The following PDSS2 variants were observed in gnomAD, a reference collection of about 807,000 sequenced individuals.
PDSS2 encodes the protein all trans-polyprenyl-diphosphate synthase PDSS2.
PDSS2 carries 31 observed loss-of-function variants against 44.5 expected under a neutral mutation model. The observed-to-expected ratio is 0.70, with a 90% CI of 0.52 to 0.94. The LOEUF is 0.94. Ranked by LOEUF, PDSS2 falls within the 40% of genes least tolerant of loss-of-function variation. The pLI is 0.00. For missense variants in PDSS2, 452 were observed against 482.2 expected (o/e 0.94, Z 0.59); for synonymous variants, 157 against 180.3 (o/e 0.87, Z 1.03).
chr6:107,214,610 C>T lies in PDSS2; in HGVS notation c.703-2328G>A, dbSNP rs74330197. Among the ~76,000 whole-genome samples the T allele has an allele frequency of 6.2e-3, 944 of 152,272 alleles. 12 individuals are homozygous for T. The highest frequency in any genetic ancestry group is 0.022 in the African/African-American group (903 of 41,548). Reference sequence around the variant, plus strand: ...GGATTAATTAACTCAATACACTTTTCTTCCTGCTCCTGATCCTATAATCCT... The same window carrying T: ...GGATTAATTAACTCAATACACTTTTTTTCCTGCTCCTGATCCTATAATCCT... On this transcript the variant is annotated intron_variant, in intron 4 of 7. Coordinates refer to ENST00000369037, the MANE Select transcript of PDSS2 (RefSeq NM_020381.4).
intron 2 of PDSS2, among the ~76,000 whole-genome samples, chr6:107,284,726 C>G (rs1044370343): frequency 1.3e-5 from 2 of 151,884 alleles, no homozygotes; most frequent in African/African-American, 4.8e-5. Context: ...CTTCATTCCT[C>G]TTTCAGACTT....
chr6:107,308,413 G>A (rs1776931335), intron 2 of PDSS2, among the ~76,000 whole-genome samples: 1 of 152,148 alleles, frequency 6.6e-6, no homozygotes, highest in South Asian at 2.1e-4. Context: ...CGACGACTAT[G>A]TATCAAGGTG....
rs953073780 is a variant in PDSS2, at chr6:107,351,151, G to C, written c.297-16819C>G. 6.6e-5 allele frequency among the ~76,000 whole-genome samples: 10 copies of C among 152,112 alleles called. No individual in the cohort carries two copies. The South Asian group carries it at 8.3e-4, about 13-fold the overall frequency. ...CCAATATAGTTCCAAACATTATGAA[G>C]TTGAGGACAATGATAAAAGATGAAA... On this transcript the variant is annotated intron_variant, in intron 1 of 7. Transcript: ENST00000369037.
intron 1 of PDSS2, among the ~76,000 whole-genome samples, chr6:107,362,301 G>C (rs1422345704): frequency 6.6e-6 from 1 of 152,160 alleles, no homozygotes; most frequent in Admixed American, 6.5e-5. Context: ...AAGTTTGAAT[G>C]TGCTCCGAAG....
At chr6:107,343,572 T>C (rs976101288) in intron 1 of PDSS2, among the ~76,000 whole-genome samples, 1 of 152,196 alleles carries the variant, frequency 6.6e-6, no homozygotes, top group Non-Finnish European at 1.5e-5. Context: ...AGCACAAATT[T>C]AGTGTTGCAA....
At chr6:107,352,112 G>A (rs9480765) in intron 1 of PDSS2, among the ~76,000 whole-genome samples, 10,455 of 152,128 alleles carry the variant, frequency 0.069, 432 homozygotes, top group Non-Finnish European at 0.091. Context: ...CCAAGAATAC[G>A]TCATGTTTTT....
chr6:107,270,465 T>C (rs1441127208), intron 3 of PDSS2, among the ~76,000 whole-genome samples: 1 of 152,044 alleles, frequency 6.6e-6, no homozygotes, highest in Non-Finnish European at 1.5e-5. Context: ...GTGTATTTTT[T>C]ATCTGACATC....
At chr6:107,452,907 T>C (rs1171080919) in intron 1 of PDSS2, among the ~76,000 whole-genome samples, 1 of 150,940 alleles carries the variant, frequency 6.6e-6, no homozygotes, top group Non-Finnish European at 1.5e-5. Context: ...CCTTGTGATC[T>C]GCCCGCCTCG....
intron 2 of PDSS2, among the ~76,000 whole-genome samples, chr6:107,280,950 C>T (rs769891095): frequency 6.6e-6 from 1 of 152,124 alleles, no homozygotes; most frequent in South Asian, 2.1e-4. Context: ...AAAACCTTAC[C>T]TCCTCATGAT....
chr6:107,251,219 C>A (rs1414233751), intron 3 of PDSS2, among the ~76,000 whole-genome samples: 1 of 152,132 alleles, frequency 6.6e-6, no homozygotes, highest in Non-Finnish European at 1.5e-5. Flanking sequence ...CTCAAGTCAG[C>A]ATAATATGAT....
intron 1 of PDSS2, among the ~76,000 whole-genome samples, chr6:107,416,254 C>T (rs1253691279): frequency 6.6e-6 from 1 of 151,978 alleles, no homozygotes; most frequent in Non-Finnish European, 1.5e-5. Context: ...CAACTTACAG[C>T]AGGCACGATG....
intron 2 of PDSS2, among the ~76,000 whole-genome samples, chr6:107,300,999 T>C (rs1435399090): frequency 1.3e-5 from 2 of 152,164 alleles, no homozygotes; most frequent in African/African-American, 2.4e-5. Flanking sequence ...CACTTTCCTA[T>C]GAAAGAGAAA....
intron 5 of PDSS2, among the ~76,000 whole-genome samples, chr6:107,211,311 C>T (rs1334842604): frequency 6.6e-6 from 1 of 151,738 alleles, no homozygotes; most frequent in Non-Finnish European, 1.5e-5. Context: ...AACAACACAG[C>T]AGCTAATCTT....
intron 1 of PDSS2, among the ~76,000 whole-genome samples, chr6:107,357,119 A>C (rs1778617669): frequency 6.6e-6 from 1 of 152,166 alleles, no homozygotes; most frequent in South Asian, 2.1e-4. Context: ...AACATTTCTT[A>C]ATGTTATTTA....
At chr6:107,301,559 G>A (rs1323817762) in intron 2 of PDSS2, among the ~76,000 whole-genome samples, 2 of 152,056 alleles carry the variant, frequency 1.3e-5, no homozygotes, top group Admixed American at 1.3e-4. Context: ...ATCACAGACT[G>A]TAATATTTTT....
At chr6:107,193,775 C>T in intron 7 of PDSS2, 47 bp downstream of exon 7, 1 of 1,139,680 alleles carries the variant, frequency 8.8e-7, no homozygotes, top group Non-Finnish European at 1.3e-6. Context: ...AGCCAAACAC[C>T]AAATTGAAAT....
intron 7 of PDSS2, among the ~76,000 whole-genome samples, chr6:107,176,913 T>G (rs893453787): frequency 6.6e-6 from 1 of 151,976 alleles, no homozygotes; most frequent in Non-Finnish European, 1.5e-5. Context: ...AGAGAAGAAC[T>G]GAGACAAAGT....
intron 1 of PDSS2, among the ~76,000 whole-genome samples, chr6:107,443,506 C>T (rs1781571193): frequency 6.6e-6 from 1 of 152,068 alleles, no homozygotes; most frequent in Non-Finnish European, 1.5e-5. Flanking sequence ...AATGGAATAT[C>T]TTTCAGCAAT....
chr6:107,172,688 A>G (rs1162201628), intron 7 of PDSS2, among the ~76,000 whole-genome samples: 1 of 152,196 alleles, frequency 6.6e-6, no homozygotes, highest in Non-Finnish European at 1.5e-5. Context: ...TGTGGGCTCT[A>G]GAAAAAAAGG....
Sources: gnomAD v4.1 joint callset for allele counts (sites outside exome capture counted in the v4.1 genomes callset) on GRCh38, gnomAD v4.1.1 for gene constraint, MANE v1.5 for transcripts, NCBI Gene and HGNC (gene_info 2026-07-23, HGNC 2026-07-21) for gene names.